NBAS: variants seen among roughly 807,000 people sequenced by gnomAD.
NBAS encodes NBAS subunit of NRZ tethering complex.
Under a neutral mutation model 302.5 loss-of-function variants are expected in NBAS, and 219 were observed. That is an observed-to-expected ratio of 0.72 (90% CI 0.65 to 0.81). The LOEUF is 0.81. NBAS is among the 30% of genes least tolerant of loss of function. The pLI is 0.00. For missense variants in NBAS, 2,932 were observed against 2,841.6 expected (o/e 1.03, Z -0.72); for synonymous variants, 1,118 against 1,021.6 (o/e 1.09, Z -1.80).
At chr2:15,147,813 T>A in the NBAS span, among the ~76,000 whole-genome samples, 1 of 151,646 alleles carries the variant, frequency 6.6e-6, no homozygotes, top group Non-Finnish European at 1.5e-5. Flanking sequence ...ATCACATCAG[T>A]TCATGACTGA....
chr2:15,411,038 T>C (rs1253238033), intron 25 of NBAS, among the ~76,000 whole-genome samples: 4 of 152,172 alleles, frequency 2.6e-5, no homozygotes, highest in African/African-American at 9.7e-5. Flanking sequence ...ACTGGCCTGC[T>C]TCCTCCTCCT....
chr2:15,105,081 A>T, the NBAS span, among the ~76,000 whole-genome samples: 1 of 152,204 alleles, frequency 6.6e-6, no homozygotes, highest in Non-Finnish European at 1.5e-5. Context: ...TGCAGCCATA[A>T]AAAAGGATGA....
At chr2:15,287,311 C>G in intron 41 of NBAS, 128 bp from the exon 42 acceptor site, 1 of 722,996 alleles carries the variant, frequency 1.4e-6, no homozygotes. Context: ...CTTAATAAGA[C>G]AGTTCACAGT....
intron 44 of NBAS, among the ~76,000 whole-genome samples, chr2:15,239,550 A>C (rs913700720): frequency 6.6e-6 from 1 of 151,950 alleles, no homozygotes; most frequent in African/African-American, 2.4e-5. Flanking sequence ...TGCTCCAATA[A>C]GCATTTCCTT....
At chr2:14,864,063 A>G in the NBAS span, among the ~76,000 whole-genome samples, 1 of 152,174 alleles carries the variant, frequency 6.6e-6, no homozygotes, top group Non-Finnish European at 1.5e-5. Flanking sequence ...TCACGCCTGT[A>G]ATCCCAGCAC....
At chr2:14,836,012 G>A in the NBAS span, among the ~76,000 whole-genome samples, 3 of 151,954 alleles carry the variant, frequency 2.0e-5, no homozygotes, top group Non-Finnish European at 4.4e-5. Flanking sequence ...TCTGATGGGT[G>A]TATAGGGATA....
In NBAS at chr2:15,558,637, G is replaced by A. The variant is rs754841297; in HGVS notation, c.118-3C>T. The A allele has an allele frequency of 3.7e-6, 6 of 1,611,176 alleles. No individual in the cohort carries two copies. Among genetic ancestry groups the A allele is most frequent in the Non-Finnish European group, 3.4e-6 (4 of 1,178,228 alleles). ...CCATGTTTTTGGTTGCCTCTAGGCT[G>A]GAATTTAAAACAAAAAACACTTACA... On this transcript the variant is annotated splice_polypyrimidine_tract_variant and splice_region_variant and intron_variant, in intron 1 of 51. Transcript: ENST00000281513.
intron 42 of NBAS, among the ~76,000 whole-genome samples, chr2:15,281,944 TA>T (rs937565238): frequency 1.3e-5 from 2 of 152,202 alleles, no homozygotes; most frequent in African/African-American, 4.8e-5. Flanking sequence ...TTCTGGTTTT[TA>T]GGATTTCTAG....
chr2:15,088,493 A>ACC, the NBAS span, among the ~76,000 whole-genome samples: 2 of 152,158 alleles, frequency 1.3e-5, no homozygotes, highest in Non-Finnish European at 2.9e-5. Context: ...CTCTTCTGTG[A>ACC]TAGAGTCTTA....
the NBAS span, among the ~76,000 whole-genome samples, chr2:15,147,494 G>A: frequency 6.6e-6 from 1 of 152,236 alleles, no homozygotes; most frequent in East Asian, 1.9e-4. Flanking sequence ...TCGGGAGGCT[G>A]AGGCAGGAGA....
chr2:14,949,188 A>T, the NBAS span, among the ~76,000 whole-genome samples: 1 of 152,132 alleles, frequency 6.6e-6, no homozygotes, highest in Non-Finnish European at 1.5e-5. Context: ...TTGGCAAATA[A>T]TTTTTGTGTA....
In NBAS at chr2:15,178,483, C is replaced by T. The variant is rs146095784; in HGVS notation, c.6840+505G>A. Among the ~76,000 whole-genome samples, 534 of 152,288 alleles carry T rather than the reference C, an allele frequency of 3.5e-3. 2 individuals are homozygous for T. Among genetic ancestry groups the T allele is most frequent in the African/African-American group, 0.012 (490 of 41,564 alleles). On this transcript the variant is annotated intron_variant, in intron 51 of 51. Transcript: ENST00000281513. ...GAGAAATCTCAAGTTGACTCCAGTA[C>T]ATTACTCTTCAAGACAAGAAGGTTG...
chr2:15,268,780 C>T (rs1490209337), intron 44 of NBAS, among the ~76,000 whole-genome samples: 1 of 152,182 alleles, frequency 6.6e-6, no homozygotes, highest in Non-Finnish European at 1.5e-5. Flanking sequence ...ATTCTACCAA[C>T]AATAAAGCTG....
chr2:14,808,485 T>C, the NBAS span, among the ~76,000 whole-genome samples: 2 of 152,254 alleles, frequency 1.3e-5, no homozygotes, highest in African/African-American at 4.8e-5. Flanking sequence ...AGTAAATAAG[T>C]CTCATGAGAT....
At chr2:14,917,277 G>T in the NBAS span, among the ~76,000 whole-genome samples, 2 of 152,274 alleles carry the variant, frequency 1.3e-5, no homozygotes, top group Non-Finnish European at 2.9e-5. Flanking sequence ...TCACTCACAA[G>T]GTTGTTGGTA....
At chr2:15,543,937 A>T (rs1320518286) in intron 6 of NBAS, among the ~76,000 whole-genome samples, 1 of 152,142 alleles carries the variant, frequency 6.6e-6, no homozygotes, top group Non-Finnish European at 1.5e-5. Flanking sequence ...AGTGCCTAGT[A>T]CTCTGGTGGG....
At chr2:15,071,995 G>T in the NBAS span, among the ~76,000 whole-genome samples, 1 of 152,208 alleles carries the variant, frequency 6.6e-6, no homozygotes, top group Non-Finnish European at 1.5e-5. Context: ...AAACTTGGAT[G>T]AATATTCACA....
At chr2:14,895,133 A>G in the NBAS span, among the ~76,000 whole-genome samples, 3 of 148,688 alleles carry the variant, frequency 2.0e-5, no homozygotes, top group Admixed American at 1.3e-4. Flanking sequence ...CAAAACTGAA[A>G]GAAGTTTATT....
At chr2:15,011,422 A>T in the NBAS span, among the ~76,000 whole-genome samples, 3 of 152,180 alleles carry the variant, frequency 2.0e-5, no homozygotes, top group Non-Finnish European at 4.4e-5. Context: ...TAAAAATCAG[A>T]CATGGCCCCC....
Sources: gnomAD v4.1 joint callset for allele counts (sites outside exome capture counted in the v4.1 genomes callset) on GRCh38, gnomAD v4.1.1 for gene constraint, MANE v1.5 for transcripts, NCBI Gene and HGNC (gene_info 2026-07-23, HGNC 2026-07-21) for gene names.